The following RNF31 variants were observed in gnomAD, a reference collection of about 807,000 sequenced individuals.
RNF31 encodes ring finger protein 31, also known as E3 ubiquitin-protein ligase RNF31.
RNF31 carries 38 observed loss-of-function variants against 133.6 expected under a neutral mutation model. That is an observed-to-expected ratio of 0.28 (90% CI 0.22 to 0.37). The LOEUF (loss-of-function observed/expected upper bound fraction) is 0.37. RNF31 is among the 10% of genes least tolerant of loss of function. RNF31 has a pLI of 1.00. For missense variants in RNF31, 1,118 were observed against 1,394.1 expected (o/e 0.80, Z 3.15); for synonymous variants, 582 against 552.3 (o/e 1.05, Z -0.75).
intron 4 of RNF31, 44 bp from the exon 5 acceptor site, chr14:24,148,757 T>A (rs759838449): frequency 6.2e-7 from 1 of 1,611,790 alleles, no homozygotes; most frequent in South Asian, 1.1e-5. Flanking sequence ...TGTGAGACTC[T>A]GTGTCCCTAA....
Position 24,150,481 on chromosome 14 carries a change from T to TA in RNF31, c.1197+34dup, listed in dbSNP as rs750171178. 1.1e-5 allele frequency: 18 copies of TA among 1,588,050 alleles called. No homozygotes were observed. The African/African-American group carries it at 2.2e-4, about 19-fold the overall frequency. On this transcript the variant is annotated intron_variant, in intron 7 of 20. Transcript: ENST00000324103. ...GCCTTCCCAGCTCTTTATCGTGTGT[T>TA]ACCTCAGGCATTCTCTTCCCTATCC...
chr14:24,151,562 G>C lies in RNF31; in HGVS notation c.1815G>C (p.Val605=). The change falls in exon 10 of 21, where the codon GTG becomes GTC. Residue 605 remains valine, a synonymous_variant. Transcript: ENST00000324103. The surrounding 1 kb of genome is among the most constrained non-coding windows in gnomAD (Gnocchi z 5.3). ...CATTGTTCCAGCACGGAGGTGATGT[G>C]TCACGGGCCCTGACTGAGCTACAGC... The part of the protein sequence containing the change: ...LQALFQHGGD[V]SRALTELQRQ... 6.2e-7 allele frequency: 1 copy of C among 1,614,202 alleles called. No homozygotes were observed.
At chr14:24,158,940 G>A (rs964071300) in intron 18 of RNF31, among the ~76,000 whole-genome samples, 36 of 150,276 alleles carry the variant, frequency 2.4e-4, no homozygotes, top group African/African-American at 3.9e-4. Flanking sequence ...GGCTGAGGCA[G>A]GAGAATGGCA....
At position 24,149,388 on chromosome 14, in the gene RNF31, A is replaced by C; in HGVS notation, c.632-18A>C. On this transcript the variant is annotated intron_variant, in intron 5 of 20. Transcript: ENST00000324103. ...CTGGTCTTTTTTGGAAAGATGTTCC[A>C]TCTCTCCTGCCCTCCAGGCTCCACT... is the stretch of plus-strand genomic sequence containing the variant. 6.2e-7 allele frequency: 1 copy of C among 1,603,790 alleles called. No individual in the cohort carries two copies. The highest frequency in any genetic ancestry group is 8.5e-7 in the Non-Finnish European group (1 of 1,172,354).
Position 24,151,788 on chromosome 14 carries a change from C to A in RNF31, c.1926C>A (p.Ser642Arg). ...TPSWDGPDKQ[S>R]LVRRLLAVYA... ...CCTCCACCTGAATCATATTGCAGAG[C>A]CTGGTCAGGCGGCTTTTGGCAGTCT... Residue 642 changes from serine to arginine, a missense_variant and splice_region_variant, in exon 11 of 21, where the codon AGC becomes AGA. Ser to Arg is a moderately radical substitution (Grantham distance 110). This residue lies in a region of RNF31 where 747 missense variants were observed against 827.9 expected (regional missense o/e 0.90). Coordinates refer to ENST00000324103, the MANE Select transcript of RNF31 (RefSeq NM_017999.5). This position sits in a 1 kb window ranked among gnomAD's most constrained non-coding sequence, Gnocchi z 5.3. The A allele has an allele frequency of 6.2e-7, 1 of 1,608,206 alleles. No homozygotes were observed. The highest frequency in any genetic ancestry group is 8.5e-7 in the Non-Finnish European group (1 of 1,176,580).
chr14:24,157,599 G>A lies in RNF31; in HGVS notation c.2688G>A (p.Gln896=), dbSNP rs369096849. The change falls in exon 16 of 21, where the codon CAG becomes CAA. Residue 896 remains glutamine (Q), a synonymous_variant. Transcript: ENST00000324103. ...MHFHCTQCRH[Q]FCSGCYNAFY... The stretch of plus-strand genomic sequence containing the variant: ...TTCACTGTACCCAGTGCCGCCACCA[G>A]TTCTGCAGCGGCTGCTACAATGCCT... 9 of 1,614,046 alleles carry A rather than the reference G, an allele frequency of 5.6e-6. No individual in the cohort carries two copies. The African/African-American group carries it at 1.1e-4, about 19-fold the overall frequency.
At chr14:24,148,449 C>G in intron 3 of RNF31, 36 bp downstream of exon 3, 2 of 1,613,566 alleles carry the variant, frequency 1.2e-6, no homozygotes, top group Non-Finnish European at 1.7e-6. Flanking sequence ...GACTTATGCA[C>G]CAGGGCTGGG....
Position 24,160,554 on chromosome 14 carries a change from T to C in RNF31, c.3200T>C (p.Ile1067Thr). 1.3e-6 allele frequency: 2 copies of C among 1,538,618 alleles called. No individual in the cohort carries two copies. Among genetic ancestry groups the C allele is most frequent in the Non-Finnish European group, 1.8e-6 (2 of 1,140,170 alleles). ...GAAGAGGTACCCTTGGGACAGAGTA[T>C]CCCCCGCAGGCGGAAGTAGCTGAGG... is the stretch of plus-strand genomic sequence containing the variant. ...LTEEVPLGQS[I>T]PRRRK is the part of the protein sequence containing the mutation. The change falls in exon 21 of 21, where the codon ATC (isoleucine) becomes ACC (threonine). Residue 1067 changes from isoleucine to threonine, a missense_variant. Physicochemically the swap from Ile to Thr is moderately conservative, Grantham distance 89. Around this residue, in one of 3 missense-constraint regions of RNF31, gnomAD observed 170 missense variants for 194.5 expected, o/e 0.87. Coordinates refer to ENST00000324103, the MANE Select transcript of RNF31 (RefSeq NM_017999.5). The surrounding 1 kb of genome is among the most constrained non-coding windows in gnomAD (Gnocchi z 4.0).
rs776453988 is a variant in RNF31 at position 24,160,481 on chromosome 14, C to T, written c.3166-39C>T. ...CCTGGTGCTGACTGTGTCTGAGCTC[C>T]AGGCTTCCAATATCATTACCTTCTC... On this transcript the variant is annotated intron_variant, in intron 20 of 20. Transcript: ENST00000324103. The surrounding 1 kb of genome is among the most constrained non-coding windows in gnomAD (Gnocchi z 4.0). The T allele has an allele frequency of 1.9e-6, 3 of 1,571,616 alleles. No homozygotes were observed. The highest frequency in any genetic ancestry group is 1.2e-5 in the South Asian group (1 of 86,832).
At chr14:24,154,972 T>A in intron 11 of RNF31, 185 bp from the exon 12 acceptor site, 1 of 598,820 alleles carries the variant, frequency 1.7e-6, no homozygotes, top group South Asian at 2.1e-5. Context: ...TTGTCTATTT[T>A]CCTCCACCCG....
At position 24,148,369 on chromosome 14, in the gene RNF31, C is replaced by G; in HGVS notation, c.451C>G (p.Leu151Val). ...TGAGCACCAGGTTGCTACAGTCACA[C>G]TGGAAGTACTGCTGCTTCGGACAGA... ...PDEHQVATVTLEVLLLRTELS... is the reference protein window; with the variant it reads ...PDEHQVATVTVEVLLLRTELS... The change falls in exon 3 of 21, where the codon CTG becomes GTG. Residue 151 changes from leucine (L) to valine (V), a missense_variant. Physicochemically the swap from Leu to Val is conservative, Grantham distance 32. Around this residue, in one of 3 missense-constraint regions of RNF31, gnomAD observed 747 missense variants for 827.9 expected, o/e 0.90. Coordinates refer to ENST00000324103, the MANE Select transcript of RNF31 (RefSeq NM_017999.5). 1 of 1,614,184 alleles carries G rather than the reference C, an allele frequency of 6.2e-7. No homozygotes were observed. The highest frequency in any genetic ancestry group is 8.5e-7 in the Non-Finnish European group (1 of 1,179,998).
In RNF31 at chr14:24,148,131, C is replaced by T. The variant is rs771142050; in HGVS notation, c.339+9C>T. The T allele has an allele frequency of 1.9e-6, 3 of 1,614,146 alleles. No homozygotes were observed. Among genetic ancestry groups the T allele is most frequent in the Non-Finnish European group, 1.7e-6 (2 of 1,180,012 alleles). On this transcript the variant is annotated intron_variant, in intron 2 of 20. Transcript: ENST00000324103. The stretch of plus-strand genomic sequence containing the variant: ...CGGTGGATGCTGTGCAGGTGAATCC[C>T]CTGGCCTTATGGGAGAGGGGGCTGG...
At position 24,151,265 on chromosome 14, in the gene RNF31, G is replaced by A. The variant is rs769259271; in HGVS notation, c.1623G>A (p.Gln541=). 6.2e-7 allele frequency: 1 copy of A among 1,614,198 alleles called. No individual in the cohort carries two copies. Among genetic ancestry groups the A allele is most frequent in the Non-Finnish European group, 8.5e-7 (1 of 1,180,038 alleles). The change falls in exon 9 of 21, where the codon CAG becomes CAA. Residue 541 remains glutamine, a synonymous_variant. Coordinates refer to ENST00000324103, the MANE Select transcript of RNF31 (RefSeq NM_017999.5). The surrounding 1 kb of genome is among the most constrained non-coding windows in gnomAD (Gnocchi z 5.3). ...VLEMVAELAG[Q]QDPGLGAFSC... is the part of the protein sequence containing the mutation. ...AGATGGTGGCTGAGCTGGCTGGACAGCAGGACCCTGGGCTGGGTGCCTTTT... is the reference window on the plus strand; with the variant it reads ...AGATGGTGGCTGAGCTGGCTGGACAACAGGACCCTGGGCTGGGTGCCTTTT...
chr14:24,155,120 C>T lies in RNF31; in HGVS notation c.2131-37C>T. ...CTCTTCCCTAGCCTGGCAGCTGTGGCTTCTGACCCCCTCCCCTCCAACCCC... is the reference window on the plus strand; with the variant it reads ...CTCTTCCCTAGCCTGGCAGCTGTGGTTTCTGACCCCCTCCCCTCCAACCCC... On this transcript the variant is annotated intron_variant, in intron 11 of 20. Coordinates refer to ENST00000324103, the MANE Select transcript of RNF31 (RefSeq NM_017999.5). This position sits in a 1 kb window ranked among gnomAD's most constrained non-coding sequence, Gnocchi z 4.9. The T allele has an allele frequency of 6.2e-7, 1 of 1,600,616 alleles. No homozygotes were observed. Among genetic ancestry groups the T allele is most frequent in the Non-Finnish European group, 8.5e-7 (1 of 1,170,046 alleles).
At chr14:24,158,074 G>T in intron 17 of RNF31, 63 bp downstream of exon 17, 2 of 1,611,464 alleles carry the variant, frequency 1.2e-6, no homozygotes, top group Non-Finnish European at 8.5e-7. Flanking sequence ...AAAAGGCTCC[G>T]TGCTAGGAAT....
rs779022577 is a variant in RNF31, at chr14:24,151,700, T to C, written c.1923+30T>C. ...TGGGAGGAGGCAAGAAGCCCAAGGG[T>C]CCACCTAGAGGAGCAAGAGGGAGCT... On this transcript the variant is annotated intron_variant, in intron 10 of 20. Coordinates refer to ENST00000324103, the MANE Select transcript of RNF31 (RefSeq NM_017999.5). This position sits in a 1 kb window ranked among gnomAD's most constrained non-coding sequence, Gnocchi z 5.3. The C allele has an allele frequency of 1.2e-6, 2 of 1,607,778 alleles. No individual in the cohort carries two copies. Among genetic ancestry groups the C allele is most frequent in the Non-Finnish European group, 1.7e-6 (2 of 1,179,150 alleles).
chr14:24,149,341 C>G (rs2038227979), intron 5 of RNF31, 65 bp from the exon 6 acceptor site: 1 of 1,501,252 alleles, frequency 6.7e-7, no homozygotes, highest in Admixed American at 1.9e-5. Context: ...TTGCCCCCAT[C>G]CACAGCAGAT....
In RNF31 at chr14:24,160,208, C is replaced by T. The variant is rs757674642; in HGVS notation, c.2997-31C>T. ...CACACTCAGTTAATATTAGCCAACA[C>T]AACAAATATTCTGCTCCCTTTTCTC... is the stretch of plus-strand genomic sequence containing the variant. On this transcript the variant is annotated intron_variant, in intron 19 of 20. Coordinates refer to ENST00000324103, the MANE Select transcript of RNF31 (RefSeq NM_017999.5). The surrounding 1 kb of genome is among the most constrained non-coding windows in gnomAD (Gnocchi z 4.0). 2.9e-5 allele frequency: 46 copies of T among 1,595,560 alleles called. No homozygotes were observed. Among genetic ancestry groups the T allele is most frequent in the Non-Finnish European group, 3.9e-5 (46 of 1,170,700 alleles).
intron 18 of RNF31, among the ~76,000 whole-genome samples, chr14:24,158,991 C>A (rs1379390811): frequency 7.0e-6 from 1 of 143,518 alleles, no homozygotes; most frequent in Non-Finnish European, 1.5e-5. Flanking sequence ...AGAGATGGCG[C>A]CACCGCACTC....
Sources: gnomAD v4.1 joint callset for allele counts (sites outside exome capture counted in the v4.1 genomes callset) on GRCh38, gnomAD v4.1.1 for gene constraint, gnomAD v4.1.1 regional missense constraint, Gnocchi (gnomAD v3.1) non-coding constraint, MANE v1.5 for transcripts, NCBI Gene and HGNC (gene_info 2026-07-23, HGNC 2026-07-21) for gene names.